Variants in FRAS1 observed in about 807,000 individuals in gnomAD.
FRAS1 encodes extracellular matrix organizing protein FRAS1.
A neutral mutation model predicts 435.2 loss-of-function variants in FRAS1; 290 were observed. The observed-to-expected ratio is 0.67, with a 90% CI of 0.61 to 0.73. The LOEUF (loss-of-function observed/expected upper bound fraction) is 0.73. Ranked by LOEUF, FRAS1 falls within the 30% of genes least tolerant of loss-of-function variation. The pLI, the probability that FRAS1 is intolerant of heterozygous loss-of-function variation, is 0.00. For missense variants in FRAS1, 4,860 were observed against 5,001.5 expected, an observed-to-expected ratio of 0.97 and a Z score of 0.85; for synonymous variants, 1,800 against 1,851.0, an observed-to-expected ratio of 0.97 and a Z score of 0.71.
chr4:78,314,291 A>C (rs1432682392), intron 15 of FRAS1, among the ~76,000 whole-genome samples: 1 of 152,068 alleles, frequency 6.6e-6, no homozygotes, highest in African/African-American at 2.4e-5. Flanking sequence ...GCATGTTCCA[A>C]ACTGAGCTCA....
intron 2 of FRAS1, among the ~76,000 whole-genome samples, chr4:78,169,203 G>A (rs909366474): frequency 1.3e-5 from 2 of 152,108 alleles, no homozygotes; most frequent in Non-Finnish European, 2.9e-5. Flanking sequence ...CTCCAACAAT[G>A]TTCCTGAGGT....
intron 2 of FRAS1, among the ~76,000 whole-genome samples, chr4:78,197,808 G>A (rs1001040147): frequency 1.3e-5 from 2 of 152,112 alleles, no homozygotes; most frequent in African/African-American, 4.8e-5. Flanking sequence ...GGGCGTGGTG[G>A]TGGGCGCCTG....
chr4:78,308,121 C>T lies in FRAS1; in HGVS notation c.1590C>T (p.Ala530=), dbSNP rs1200405603. 7.4e-6 allele frequency: 12 copies of T among 1,613,950 alleles called. No homozygotes were observed. Among genetic ancestry groups the T allele is most frequent in the Non-Finnish European group, 1.0e-5 (12 of 1,179,864 alleles). ...GCCCAACGGAGAAGCACTGCTTGGC[C>T]TGCAGAGATCCCCTCCACGTGCTGA... ...CWGPTEKHCL[A]CRDPLHVLRD... The change falls in exon 15 of 74, where the codon GCC becomes GCT. Residue 530 remains alanine (A), a synonymous_variant. Transcript: ENST00000512123.
chr4:78,511,624 A>G, intron 64 of FRAS1, 118 bp downstream of exon 64: 4 of 841,054 alleles, frequency 4.8e-6, no homozygotes, highest in Non-Finnish European at 7.9e-6. Flanking sequence ...GTGATGATGA[A>G]TGCATCAGTA....
intron 3 of FRAS1, among the ~76,000 whole-genome samples, chr4:78,241,966 A>G (rs981143921): frequency 6.6e-6 from 1 of 152,132 alleles, no homozygotes; most frequent in African/African-American, 2.4e-5. Context: ...AAATTTGTGG[A>G]TGAAGGCAAC....
rs116420420 is a variant in FRAS1, at chr4:78,496,737, T to C, written c.8959-68T>C. On this transcript the variant is annotated intron_variant, in intron 59 of 73. Coordinates refer to ENST00000512123, the MANE Select transcript of FRAS1 (RefSeq NM_025074.7). ...GCAATAAAGAAGAAAGATAGTTTTC[T>C]AGGAAAACCAAGCAAATCACTGATA... 3,159 of 1,417,344 alleles carry C rather than the reference T, an allele frequency of 2.2e-3. 59 individuals are homozygous for C. The African/African-American group carries it at 0.042, about 19-fold the overall frequency. The allele number at this position is 1,417,344 out of a possible 1,614,324, so 87.8% of individuals were successfully genotyped here.
intron 2 of FRAS1, among the ~76,000 whole-genome samples, chr4:78,234,988 C>A (rs749200939): frequency 6.6e-6 from 1 of 152,136 alleles, no homozygotes; most frequent in East Asian, 1.9e-4. Flanking sequence ...TTGGCTCATG[C>A]GATCATTGCG....
At chr4:78,406,544 C>A (rs757068660) in intron 30 of FRAS1, among the ~76,000 whole-genome samples, 1 of 152,124 alleles carries the variant, frequency 6.6e-6, no homozygotes, top group Non-Finnish European at 1.5e-5. Flanking sequence ...AGGAGAATAG[C>A]ATGGGAAAGA....
intron 2 of FRAS1, among the ~76,000 whole-genome samples, chr4:78,205,088 G>A (rs1448163002): frequency 6.6e-6 from 1 of 152,036 alleles, no homozygotes; most frequent in Non-Finnish European, 1.5e-5. Flanking sequence ...CAGATGTAAT[G>A]TTGAGTCCAT....
intron 2 of FRAS1, among the ~76,000 whole-genome samples, chr4:78,094,802 T>C (rs915942147): frequency 1.3e-5 from 2 of 152,230 alleles, no homozygotes; most frequent in African/African-American, 4.8e-5. Context: ...GATCTGAGTT[T>C]AGATCCATGT....
chr4:78,184,191 G>GATC (rs1722177065), intron 2 of FRAS1, among the ~76,000 whole-genome samples: 1 of 152,128 alleles, frequency 6.6e-6, no homozygotes, highest in South Asian at 2.1e-4. Context: ...ATCAGTCAGG[G>GATC]TCACTGGAGA....
chr4:78,402,585 C>G (rs1217669366), intron 30 of FRAS1, among the ~76,000 whole-genome samples: 1 of 152,058 alleles, frequency 6.6e-6, no homozygotes, highest in Non-Finnish European at 1.5e-5. Context: ...CTCTTGAATA[C>G]CCTTATCCTC....
intron 71 of FRAS1, 60 bp from the exon 72 acceptor site, chr4:78,536,935 G>A: frequency 7.1e-7 from 1 of 1,410,512 alleles, no homozygotes; most frequent in South Asian, 1.2e-5. Flanking sequence ...TTCAACCCTT[G>A]ACATTTGTTT....
chr4:78,315,262 C>CA (rs760038748), intron 15 of FRAS1, among the ~76,000 whole-genome samples: 2 of 152,120 alleles, frequency 1.3e-5, no homozygotes, highest in African/African-American at 2.4e-5. Flanking sequence ...TTTTATGGAG[C>CA]ATCTGATATT....
chr4:78,432,635 C>A, intron 38 of FRAS1, 31 bp downstream of exon 38: 1 of 1,530,088 alleles, frequency 6.5e-7, no homozygotes, highest in South Asian at 1.3e-5. Context: ...TGTTTGTTCT[C>A]CACCGCCGCA....
chr4:78,381,276 C>G (rs1161796373), intron 27 of FRAS1, among the ~76,000 whole-genome samples: 1 of 152,162 alleles, frequency 6.6e-6, no homozygotes, highest in African/African-American at 2.4e-5. Context: ...AATTCCTACT[C>G]TATATTCTGC....
intron 60 of FRAS1, among the ~76,000 whole-genome samples, chr4:78,497,401 A>T (rs28522970): frequency 6.6e-6 from 1 of 151,944 alleles, no homozygotes; most frequent in Non-Finnish European, 1.5e-5. Context: ...TAAAAAAAAA[A>T]AAACTTAAGC....
At chr4:78,298,582 C>A (rs931937053) in intron 14 of FRAS1, among the ~76,000 whole-genome samples, 1 of 152,068 alleles carries the variant, frequency 6.6e-6, no homozygotes, top group Non-Finnish European at 1.5e-5. Flanking sequence ...ATAGATGCAG[C>A]GTCAGTATTT....
chr4:78,385,883 T>TAAAA (rs34277639), intron 28 of FRAS1, among the ~76,000 whole-genome samples: 1 of 111,866 alleles, frequency 8.9e-6, no homozygotes, highest in Non-Finnish European at 1.9e-5. Context: ...AGACTCTGTC[T>TAAAA]AAAAAAAAAA....
Sources: allele counts gnomAD v4.1 joint callset (sites outside exome capture counted in the v4.1 genomes callset), GRCh38; gene constraint gnomAD v4.1.1; transcripts MANE v1.5; gene names NCBI Gene and HGNC (gene_info 2026-07-23, HGNC 2026-07-21).